Variants in PDE11A observed in about 807,000 individuals in gnomAD.
PDE11A encodes the protein dual 3',5'-cyclic-AMP and -GMP phosphodiesterase 11A.
In PDE11A, 100 loss-of-function variants were observed where a neutral mutation model predicts 100.5. The ratio of observed to expected loss-of-function variants is 1.00; its 90% confidence interval spans 0.85 to 1.18. The LOEUF is 1.18. Ranked by LOEUF, PDE11A falls within the 50% of genes most tolerant of loss-of-function variation. The pLI, the probability that PDE11A is intolerant of heterozygous loss-of-function variation, is 0.00. For synonymous variants in PDE11A, 381 were observed against 420.8 expected, an observed-to-expected ratio of 0.91 and a Z score of 1.16; for missense variants, 1,141 against 1,152.6, an observed-to-expected ratio of 0.99 and a Z score of 0.15.
intron 19 of PDE11A, among the ~76,000 whole-genome samples, chr2:177,656,715 G>A (rs1175510341): frequency 1.3e-5 from 2 of 152,228 alleles, no homozygotes; most frequent in Non-Finnish European, 2.9e-5. Context: ...CATACAGAGT[G>A]TGTGGTTATA....
chr2:177,631,232 G>A (rs1420392164), intron 19 of PDE11A, among the ~76,000 whole-genome samples: 2 of 148,674 alleles, frequency 1.3e-5, no homozygotes, highest in Non-Finnish European at 3.0e-5. Context: ...GATCATTTGA[G>A]GTCAGGAGTT....
intron 9 of PDE11A, among the ~76,000 whole-genome samples, chr2:177,772,682 G>A (rs1296907002): frequency 2.1e-5 from 3 of 146,180 alleles, no homozygotes; most frequent in Non-Finnish European, 3.0e-5. Flanking sequence ...AGTTAGGTTT[G>A]TTTAAATCAA....
At chr2:177,998,141 G>T in intron 2 of PDE11A, 1 of 1,082,772 alleles carries the variant, frequency 9.2e-7, no homozygotes, top group Non-Finnish European at 1.4e-6. Flanking sequence ...ACAAGTTGCT[G>T]TCTTCCACTT....
chr2:178,068,914 A>G (rs2087087390), intron 1 of PDE11A, among the ~76,000 whole-genome samples: 1 of 152,344 alleles, frequency 6.6e-6, no homozygotes. Context: ...CATTTTAAGT[A>G]GAGAATGGAA....
chr2:177,830,054 G>A (rs1263890173), intron 6 of PDE11A, among the ~76,000 whole-genome samples: 4 of 152,116 alleles, frequency 2.6e-5, no homozygotes, highest in Non-Finnish European at 5.9e-5. Context: ...CCACATTCTA[G>A]GACTCAAGGG....
rs144663269 is a variant in PDE11A at position 177,658,413 on chromosome 2, C to T, written c.2646+5453G>A. ...GAGAAAATAAGAAGTTGTTTTCCTT[C>T]CTTTCTTCCTTCCTTGCTTCTGTCT... On this transcript the variant is annotated intron_variant, in intron 19 of 19. Coordinates refer to ENST00000286063, the MANE Select transcript of PDE11A (RefSeq NM_016953.4). Among the ~76,000 whole-genome samples, 148 of 152,130 alleles carry T rather than the reference C, an allele frequency of 9.7e-4. 3 individuals are homozygous for T. Among genetic ancestry groups the T allele is most frequent in the African/African-American group, 3.5e-3 (145 of 41,496 alleles).
intron 15 of PDE11A, among the ~76,000 whole-genome samples, chr2:177,694,557 T>A (rs1051002104): frequency 6.6e-6 from 1 of 152,188 alleles, no homozygotes; most frequent in African/African-American, 2.4e-5. Context: ...GGTACTGTTA[T>A]CTCCATTTTA....
At chr2:177,948,871 T>C (rs1474260710) in intron 2 of PDE11A, among the ~76,000 whole-genome samples, 1 of 152,164 alleles carries the variant, frequency 6.6e-6, no homozygotes, top group African/African-American at 2.4e-5. Context: ...GATTGCAACA[T>C]TGCATTCCAG....
At chr2:178,087,294 A>G (rs1222612070) in intron 2 of PDE11A, among the ~76,000 whole-genome samples, 1 of 151,872 alleles carries the variant, frequency 6.6e-6, no homozygotes. Flanking sequence ...CAGAGGTTGC[A>G]GTGAGCCAAG....
chr2:177,977,294 C>T (rs1241194805), intron 2 of PDE11A, among the ~76,000 whole-genome samples: 7 of 144,348 alleles, frequency 4.8e-5, no homozygotes, highest in Non-Finnish European at 1.5e-5. Context: ...TATACACCAA[C>T]AACAGACAAA....
intron 19 of PDE11A, among the ~76,000 whole-genome samples, chr2:177,659,013 C>G (rs1245457399): frequency 2.0e-5 from 3 of 151,884 alleles, no homozygotes; most frequent in African/African-American, 7.3e-5. Context: ...AATCCCAGCA[C>G]TTTGGGAGGC....
chr2:178,077,183 G>T (rs2087217668), upstream of PDE11A, among the ~76,000 whole-genome samples: 1 of 151,866 alleles, frequency 6.6e-6, no homozygotes, highest in Non-Finnish European at 1.5e-5. Flanking sequence ...GGTTCACTGG[G>T]AGCCACTCAT....
chr2:177,954,843 A>C (rs2085542497), intron 2 of PDE11A, among the ~76,000 whole-genome samples: 1 of 152,178 alleles, frequency 6.6e-6, no homozygotes, highest in Admixed American at 6.5e-5. Context: ...TGAATCTAAT[A>C]TGCAGCCAGG....
At chr2:177,768,187 T>C (rs2082264657) in intron 10 of PDE11A, among the ~76,000 whole-genome samples, 1 of 152,174 alleles carries the variant, frequency 6.6e-6, no homozygotes, top group African/African-American at 2.4e-5. Flanking sequence ...GGAACAAACA[T>C]CTTCCTTTGC....
chr2:177,920,748 A>T (rs1285999360), intron 2 of PDE11A, among the ~76,000 whole-genome samples: 1 of 152,132 alleles, frequency 6.6e-6, no homozygotes, highest in Non-Finnish European at 1.5e-5. Context: ...AAATTATATA[A>T]GTATATTTTG....
intron 1 of PDE11A, among the ~76,000 whole-genome samples, chr2:178,055,924 T>C (rs1460534417): frequency 6.6e-6 from 1 of 151,988 alleles, no homozygotes; most frequent in Non-Finnish European, 1.5e-5. Context: ...AAACCTGGGG[T>C]GATATTTTTT....
At position 177,803,685 on chromosome 2, in the gene PDE11A, G is replaced by T. The variant is rs377043401; in HGVS notation, c.1737+13144C>A. ...ACAAGTGTGATACATCACACAAACAGAATTAAAAACAAAAACCATAAGATC... is the reference window on the plus strand; with the variant it reads ...ACAAGTGTGATACATCACACAAACATAATTAAAAACAAAAACCATAAGATC... On this transcript the variant is annotated intron_variant, in intron 9 of 19. Transcript: ENST00000286063. Among the ~76,000 whole-genome samples the T allele has an allele frequency of 1.6e-4, 24 of 151,974 alleles. No individual in the cohort carries two copies. The East Asian group carries it at 3.9e-3, about 24-fold the overall frequency.
intron 2 of PDE11A, among the ~76,000 whole-genome samples, chr2:178,005,303 C>T (rs1020010): frequency 0.51 from 76,645 of 151,758 alleles, 20,107 homozygotes; most frequent in East Asian, 0.71. Flanking sequence ...TAATTAAGCA[C>T]ATTCGTATAA....
At chr2:178,049,362 TG>T (rs1173444789) in intron 1 of PDE11A, among the ~76,000 whole-genome samples, 1 of 152,042 alleles carries the variant, frequency 6.6e-6, no homozygotes, top group Non-Finnish European at 1.5e-5. Context: ...CTGCCAGGCT[TG>T]GGGGGGAAGT....
Sources: gnomAD v4.1 joint callset for allele counts (sites outside exome capture counted in the v4.1 genomes callset) on GRCh38, gnomAD v4.1.1 for gene constraint, MANE v1.5 for transcripts, NCBI Gene and HGNC (gene_info 2026-07-23, HGNC 2026-07-21) for gene names.